KIAA1549L: variants seen among roughly 807,000 people sequenced by gnomAD.
KIAA1549L encodes UPF0606 protein KIAA1549L.
In KIAA1549L, 88 loss-of-function variants were observed where a neutral mutation model predicts 160.7. The ratio of observed to expected loss-of-function variants is 0.55; its 90% CI spans 0.46 to 0.65. The LOEUF (loss-of-function observed/expected upper bound fraction) is 0.65, where lower values mean the gene tolerates loss of function less well. KIAA1549L is among the 30% of genes least tolerant of loss of function. The pLI, the probability that KIAA1549L is intolerant of heterozygous loss-of-function variation, is 0.00. For synonymous variants in KIAA1549L, 950 were observed against 976.7 expected (o/e 0.97, Z 0.51); for missense variants, 2,258 against 2,437.5 (o/e 0.93, Z 1.55).
intron 20 of KIAA1549L, among the ~76,000 whole-genome samples, chr11:33,667,261 ATTCC>A (rs1239632748): frequency 6.6e-6 from 1 of 152,220 alleles, no homozygotes; most frequent in Non-Finnish European, 1.5e-5. Context: ...TCAGATATAT[ATTCC>A]TAAGGTTTTT....
chr11:33,600,311 A>G (rs1420751297), intron 13 of KIAA1549L, among the ~76,000 whole-genome samples: 1 of 152,194 alleles, frequency 6.6e-6, no homozygotes, highest in East Asian at 1.9e-4. Context: ...GAGTGAGCAC[A>G]CGGAGTCAGA....
At chr11:33,450,661 T>C (rs7120458) in intron 1 of KIAA1549L, 32,036 of 152,070 alleles carry the variant, frequency 0.21, 3,883 homozygotes, top group Middle Eastern at 0.32. Flanking sequence ...AATCTCCGGC[T>C]GCACAGAGAT....
At chr11:33,399,659 C>G (rs1308346528) in intron 1 of KIAA1549L, among the ~76,000 whole-genome samples, 1 of 152,226 alleles carries the variant, frequency 6.6e-6, no homozygotes, top group Non-Finnish European at 1.5e-5. Context: ...TGTTCCCCCT[C>G]ACCCTCCAGG....
chr11:33,618,861 G>A lies in KIAA1549L; in HGVS notation c.5409+199G>A, dbSNP rs552021419. 3.9e-5 allele frequency among the ~76,000 whole-genome samples: 6 copies of A among 152,334 alleles called. No homozygotes were observed. In the East Asian group the frequency reaches 1.2e-3, roughly 29 times the overall value. On this transcript the variant is annotated intron_variant, in intron 16 of 20. Coordinates refer to ENST00000658780, the MANE Select transcript of KIAA1549L (RefSeq NM_012194.3). ...TCAGAGTAACAGATTATTGCTAAAAGGATCACGATTTCCGAATTGTGCCAT... is the reference window on the plus strand; with the variant it reads ...TCAGAGTAACAGATTATTGCTAAAAAGATCACGATTTCCGAATTGTGCCAT...
chr11:33,512,282 A>C (rs1176314217), intron 1 of KIAA1549L, among the ~76,000 whole-genome samples: 2 of 152,246 alleles, frequency 1.3e-5, no homozygotes, highest in Admixed American at 1.3e-4. Flanking sequence ...ATAATTTTGC[A>C]GCAGTGGGTT....
chr11:33,604,488 G>GA (rs1850446007), intron 13 of KIAA1549L, among the ~76,000 whole-genome samples: 1 of 152,070 alleles, frequency 6.6e-6, no homozygotes. Context: ...AGTATTATAT[G>GA]AAAAAAGACA....
chr11:33,583,257 T>C, intron 10 of KIAA1549L, 81 bp from the exon 11 acceptor site: 1 of 1,344,560 alleles, frequency 7.4e-7, no homozygotes, highest in Non-Finnish European at 1.0e-6. Flanking sequence ...GACTTGGGAC[T>C]GGGGTGGGGG....
chr11:33,620,565 G>A (rs1203674407), intron 16 of KIAA1549L, among the ~76,000 whole-genome samples: 1 of 152,032 alleles, frequency 6.6e-6, no homozygotes, highest in Non-Finnish European at 1.5e-5. Flanking sequence ...TTATCTCATT[G>A]CATTTGCATA....
At chr11:33,658,257 G>A (rs1852137718) in intron 18 of KIAA1549L, among the ~76,000 whole-genome samples, 4 of 152,056 alleles carry the variant, frequency 2.6e-5, no homozygotes, top group Admixed American at 2.6e-4. Context: ...CTTGGGCTTG[G>A]TGCTTCCTGC....
At chr11:33,510,254 C>T (rs184859082) in intron 1 of KIAA1549L, among the ~76,000 whole-genome samples, 6 of 152,208 alleles carry the variant, frequency 3.9e-5, no homozygotes, top group Admixed American at 3.3e-4. Context: ...GCTGTGATCT[C>T]GGCTTACTGC....
At chr11:33,655,972 G>A in intron 17 of KIAA1549L, 40 bp from the exon 18 acceptor site, 5 of 1,406,242 alleles carry the variant, frequency 3.6e-6, no homozygotes, top group Non-Finnish European at 5.0e-6. Context: ...TCGACCCTGG[G>A]TGTTAACAAC....
intron 1 of KIAA1549L, among the ~76,000 whole-genome samples, chr11:33,433,518 G>A (rs1220932779): frequency 1.3e-5 from 2 of 152,188 alleles, no homozygotes; most frequent in Non-Finnish European, 2.9e-5. Flanking sequence ...CACTATTATG[G>A]AAGACAGTAT....
intron 16 of KIAA1549L, among the ~76,000 whole-genome samples, chr11:33,625,470 A>G (rs1851079462): frequency 6.6e-6 from 1 of 152,078 alleles, no homozygotes; most frequent in Non-Finnish European, 1.5e-5. Context: ...GTGAGATGGT[A>G]TCTCATTGTG....
chr11:33,598,227 T>TGTGTCA, intron 12 of KIAA1549L, among the ~76,000 whole-genome samples: 1 of 147,590 alleles, frequency 6.8e-6, no homozygotes, highest in Non-Finnish European at 1.5e-5. Flanking sequence ...TGTGTGTGTG[T>TGTGTCA]GTCAGAGTGA....
At chr11:33,511,229 G>C (rs1206379279) in intron 1 of KIAA1549L, among the ~76,000 whole-genome samples, 1 of 152,122 alleles carries the variant, frequency 6.6e-6, no homozygotes, top group Non-Finnish European at 1.5e-5. Context: ...CTGTGACTTT[G>C]GGTGAGATCC....
chr11:33,517,345 G>A (rs1426391932), intron 1 of KIAA1549L, among the ~76,000 whole-genome samples: 2 of 152,190 alleles, frequency 1.3e-5, no homozygotes, highest in Non-Finnish European at 2.9e-5. Flanking sequence ...CTGTAGCTGG[G>A]GGAGCTGTAG....
intron 6 of KIAA1549L, among the ~76,000 whole-genome samples, chr11:33,553,380 C>T (rs1854537110): frequency 6.6e-6 from 1 of 151,872 alleles, no homozygotes; most frequent in Non-Finnish European, 1.5e-5. Flanking sequence ...ACTCATCTAG[C>T]CCCCAATTAA....
intron 16 of KIAA1549L, among the ~76,000 whole-genome samples, chr11:33,624,090 AGTT>A (rs1851031662): frequency 6.6e-6 from 1 of 152,152 alleles, no homozygotes; most frequent in African/African-American, 2.4e-5. Flanking sequence ...CAGCTTTTAA[AGTT>A]GGGCTATGGT....
chr11:33,414,538 A>G (rs1850849838), intron 1 of KIAA1549L, among the ~76,000 whole-genome samples: 1 of 152,188 alleles, frequency 6.6e-6, no homozygotes, highest in Non-Finnish European at 1.5e-5. Context: ...TACTGGATCA[A>G]ACGGAGTGCA....
Sources: allele counts gnomAD v4.1 joint callset (sites outside exome capture counted in the v4.1 genomes callset), GRCh38; gene constraint gnomAD v4.1.1; transcripts MANE v1.5; gene names NCBI Gene and HGNC (gene_info 2026-07-23, HGNC 2026-07-21).